Variants in GREP1 observed in about 807,000 individuals in gnomAD.
GREP1 encodes glycine rich extracellular protein 1.
At chr16:2,997,351 G>C (rs1446655739) in intron 21 of GREP1, 3 of 398,410 alleles carry the variant, frequency 7.5e-6, no homozygotes, top group Non-Finnish European at 1.3e-5. Flanking sequence ...TCCTTAGCTA[G>C]AATCCCAAAC....
chr16:2,993,498 C>G (rs2072409069), intron 10 of GREP1: 1 of 150,970 alleles, frequency 6.6e-6, no homozygotes, highest in African/African-American at 2.4e-5. Context: ...TCAAGCAATC[C>G]ATCTACAAAA....
rs555224910 is a variant in GREP1 at position 2,991,378 on chromosome 16, G to A, written c.322+277G>A. 5.8e-6 allele frequency: 2 copies of A among 347,586 alleles called. No homozygotes were observed. Among genetic ancestry groups the A allele is most frequent in the Non-Finnish European group, 1.0e-5 (2 of 194,342 alleles). 21.5% of individuals were successfully genotyped at this position (347,586 alleles called of 1,614,324 possible). A position where few individuals can be genotyped will look rare whatever the true frequency, so the allele number is the denominator to read the frequency against. Reference sequence around the variant, plus strand: ...ATGGCCCTCACCAATGTCTCCCCAGGATTGGGGAGCAGAAGTGGTTTGGGC... The same window carrying A: ...ATGGCCCTCACCAATGTCTCCCCAGAATTGGGGAGCAGAAGTGGTTTGGGC... On this transcript the variant is annotated intron_variant, in intron 8 of 34. Transcript: ENST00000573315. The surrounding 1 kb of genome is among the most constrained non-coding windows in gnomAD (Gnocchi z 4.9).
chr16:3,001,979 T>C (rs776041345), exon 35 of GREP1: 4 of 212,636 alleles, frequency 1.9e-5, no homozygotes, highest in Non-Finnish European at 3.7e-5. Context: ...TGTTTTCATT[T>C]ATAATCGATT....
chr16:2,991,458 G>A lies in GREP1; in HGVS notation c.322+357G>A, dbSNP rs527736263. ...ACCAGGTGAGGGTGGCTGGGCAGGG[G>A]CCGCAGGGAGGGGCGGGCAGGAGGG... On this transcript the variant is annotated intron_variant, in intron 8 of 34. Transcript: ENST00000573315. This position sits in a 1 kb window ranked among gnomAD's most constrained non-coding sequence, Gnocchi z 4.9. 1.6e-3 allele frequency: 369 copies of A among 223,920 alleles called. 3 individuals are homozygous for A. Among genetic ancestry groups the A allele is most frequent in the South Asian group, 0.01 (54 of 5,386 alleles). 13.9% of individuals were successfully genotyped at this position (223,920 alleles called of 1,614,324 possible). A position where few individuals can be genotyped will look rare whatever the true frequency, so the allele number is the denominator to read the frequency against.
chr16:2,995,317 G>GT lies in GREP1; in HGVS notation c.517+2dup, dbSNP rs1053384543. The GT allele has an allele frequency of 1.1e-4, 42 of 398,834 alleles. No homozygotes were observed. Among genetic ancestry groups the GT allele is most frequent in the Non-Finnish European group, 1.8e-5 (4 of 226,064 alleles). The allele number at this position is 398,834 out of a possible 1,614,324, so 24.7% of individuals were successfully genotyped here. On this transcript the variant is annotated splice_donor_variant, in intron 14 of 34. Coordinates refer to ENST00000573315, the Ensembl canonical transcript of GREP1. LOFTEE classifies it high-confidence loss of function. ...GGGGACATGAAGGCACAGGAGCCAG[G>GT]TAAGCCTGGCTCTCCCGGGCTTCTG...
chr16:3,001,360 C>G (rs2072461436), intron 34 of GREP1, 26 bp downstream of exon 28: 1 of 399,024 alleles, frequency 2.5e-6, no homozygotes, highest in Non-Finnish European at 4.4e-6. Context: ...AATGGCCGAG[C>G]CGCCTGCCCA....
Position 2,991,430 on chromosome 16 carries a change from C to T in GREP1, c.322+329C>T. On this transcript the variant is annotated intron_variant, in intron 8 of 34. Transcript: ENST00000573315. The surrounding 1 kb of genome is among the most constrained non-coding windows in gnomAD (Gnocchi z 4.9). ...CTGGCACTCTTCCAGGGGCAGGAAC[C>T]CCACCAGGTGAGGGTGGCTGGGCAG... 3.8e-6 allele frequency: 1 copy of T among 262,288 alleles called. No homozygotes were observed. Among genetic ancestry groups the T allele is most frequent in the Admixed American group, 5.4e-5 (1 of 18,454 alleles). The allele number at this position is 262,288 out of a possible 1,614,324, so 16.2% of individuals were successfully genotyped here. A position where few individuals can be genotyped will look rare whatever the true frequency, so the allele number is the denominator to read the frequency against.
chr16:2,988,681 G>T (rs1376922851), intron 2 of GREP1, 59 bp downstream of exon 2: 2 of 398,840 alleles, frequency 5.0e-6, no homozygotes, highest in Non-Finnish European at 8.8e-6. Flanking sequence ...CTGCCCTGGG[G>T]GTGTGGGAGC....
intron 17 of GREP1, 65 bp downstream of exon 17, chr16:2,995,836 T>G (rs1409105795): frequency 5.0e-6 from 2 of 398,210 alleles, no homozygotes; most frequent in African/African-American, 4.1e-5. Context: ...AGCACTCTAC[T>G]CATGCTCCCT....
At chr16:2,997,620 C>T (rs1386879546) in intron 22 of GREP1, among the ~76,000 whole-genome samples, 183 bp from the exon 21 acceptor site, 2 of 151,972 alleles carry the variant, frequency 1.3e-5, no homozygotes, top group Non-Finnish European at 2.9e-5. Context: ...GGGCCAGGCT[C>T]CAGCCCCCTT....
rs1341026312 is a variant in GREP1 at position 2,995,732 on chromosome 16, C to T, written c.590-7C>T. ...GTCACTCACCAGCCCCCCTATATCT[C>T]CTCCAGGCCTTGGAGGGAATGTGAA... On this transcript the variant is annotated splice_polypyrimidine_tract_variant and splice_region_variant and intron_variant, in intron 16 of 34. Coordinates refer to ENST00000573315, the Ensembl canonical transcript of GREP1. The T allele has an allele frequency of 1.0e-5, 4 of 398,622 alleles. No individual in the cohort carries two copies. Among genetic ancestry groups the T allele is most frequent in the African/African-American group, 2.1e-5 (1 of 48,594 alleles). 24.7% of individuals were successfully genotyped at this position (398,622 alleles called of 1,614,324 possible).
chr16:2,991,367 T>G lies in GREP1; in HGVS notation c.322+266T>G. 2.9e-6 allele frequency: 1 copy of G among 343,720 alleles called. No homozygotes were observed. The highest frequency in any genetic ancestry group is 4.3e-5 in the East Asian group (1 of 23,080). 21.3% of individuals were successfully genotyped at this position (343,720 alleles called of 1,614,324 possible). A position where few individuals can be genotyped will look rare whatever the true frequency, so the allele number is the denominator to read the frequency against. On this transcript the variant is annotated intron_variant, in intron 8 of 34. Coordinates refer to ENST00000573315, the Ensembl canonical transcript of GREP1. This position sits in a 1 kb window ranked among gnomAD's most constrained non-coding sequence, Gnocchi z 4.9. ...CCCCACCGCTCATGGCCCTCACCAA[T>G]GTCTCCCCAGGATTGGGGAGCAGAA...
exon 34 of GREP1, chr16:3,001,331 G>A (rs547101771): frequency 6.0e-5 from 24 of 399,198 alleles, no homozygotes; most frequent in African/African-American, 4.1e-4. Flanking sequence ...GAATGGCTAC[G>A]GAGGTGAGAG....
chr16:2,988,668 C>T (rs190593147), intron 2 of GREP1, 46 bp downstream of exon 2: 706 of 399,072 alleles, frequency 1.8e-3, no homozygotes, highest in Admixed American at 4.7e-3. Context: ...TCTCCCATCT[C>T]TCCTGCCCTG....
intron 18 of GREP1, chr16:2,996,002 G>A (rs2072422759): frequency 1.8e-5 from 7 of 392,724 alleles, no homozygotes; most frequent in South Asian, 1.4e-4. Flanking sequence ...GCGCAATCTC[G>A]GTTCACTGCA....
At chr16:2,999,462 G>A (rs535008375) in intron 27 of GREP1, among the ~76,000 whole-genome samples, 3 of 143,312 alleles carry the variant, frequency 2.1e-5, no homozygotes, top group African/African-American at 7.7e-5. Context: ...GTCCCTCCCC[G>A]AGTCTACCCT....
intron 27 of GREP1, chr16:2,999,439 C>T (rs1393796975): frequency 1.5e-5 from 6 of 391,986 alleles, no homozygotes; most frequent in East Asian, 3.6e-5. Context: ...TTCAGGCACC[C>T]GAAGGCCAGG....
chr16:2,995,401 G>A lies in GREP1; in HGVS notation c.518-1G>A, dbSNP rs996616564. ...CACCCCCACCTCCATCTGTCCCCCA[G>A]GATTAGGGAATGGGAATGGGCTGAG... On this transcript the variant is annotated splice_acceptor_variant, in intron 14 of 34. Transcript: ENST00000573315. LOFTEE classifies it high-confidence loss of function. 5.0e-6 allele frequency: 2 copies of A among 398,826 alleles called. No homozygotes were observed. Among genetic ancestry groups the A allele is most frequent in the Non-Finnish European group, 8.8e-6 (2 of 226,076 alleles). The allele number at this position is 398,826 out of a possible 1,614,324, so 24.7% of individuals were successfully genotyped here. A position where few individuals can be genotyped will look rare whatever the true frequency, so the allele number is the denominator to read the frequency against.
At chr16:2,997,438 G>T in intron 22 of GREP1, 1 of 399,024 alleles carries the variant, frequency 2.5e-6, no homozygotes. Flanking sequence ...GGCTGGAGTT[G>T]CTGGGAGTGC....
Sources: allele counts gnomAD v4.1 joint callset (sites outside exome capture counted in the v4.1 genomes callset), GRCh38; gene constraint gnomAD v4.1.1; non-coding constraint Gnocchi (gnomAD v3.1); transcripts MANE v1.5; gene names NCBI Gene and HGNC (gene_info 2026-07-23, HGNC 2026-07-21).